Variants in INPP4B observed in about 807,000 individuals in gnomAD.
INPP4B encodes inositol polyphosphate-4-phosphatase type II B.
In INPP4B, 55 loss-of-function variants were observed where a neutral mutation model predicts 122.5. The ratio of observed to expected loss-of-function variants is 0.45; its 90% confidence interval spans 0.36 to 0.56. INPP4B has a LOEUF of 0.56. INPP4B is among the 20% of genes least tolerant of loss of function. INPP4B has a pLI of 0.00. For missense variants in INPP4B, 1,000 were observed against 1,097.7 expected, an observed-to-expected ratio of 0.91 and a Z score of 1.26; for synonymous variants, 403 against 388.7, an observed-to-expected ratio of 1.04 and a Z score of -0.43.
chr4:142,436,559 C>T (rs1018122339), intron 3 of INPP4B, among the ~76,000 whole-genome samples: 2 of 152,114 alleles, frequency 1.3e-5, no homozygotes, highest in Non-Finnish European at 2.9e-5. Flanking sequence ...AGCAGGCACC[C>T]ATCTTTTCTG....
At position 142,023,401 on chromosome 4, in the gene INPP4B, GTTAGA is replaced by G. The variant is rs1026085366; in HGVS notation, c.*5376_*5380del. The G allele has an allele frequency of 2.0e-5, 3 of 152,044 alleles. No individual in the cohort carries two copies. The highest frequency in any genetic ancestry group is 4.4e-5 in the Non-Finnish European group (3 of 67,996). 9.4% of individuals were successfully genotyped at this position (152,044 alleles called of 1,614,324 possible). A position where few individuals can be genotyped will look rare whatever the true frequency, so the allele number is the denominator to read the frequency against. On this transcript the variant is annotated 3_prime_UTR_variant, in exon 26 of 26. Transcript: ENST00000262992. ...TACCACAAAAACCTAAAAGTTAAAT[GTTAGA>G]TTAAATAAAATTATAAAATATCCAC...
chr4:142,374,621 ATCT>A (rs1791157973), intron 7 of INPP4B, among the ~76,000 whole-genome samples: 1 of 151,926 alleles, frequency 6.6e-6, no homozygotes, highest in Non-Finnish European at 1.5e-5. Context: ...CATCAAAATC[ATCT>A]TTTTATTGAT....
intron 2 of INPP4B, among the ~76,000 whole-genome samples, chr4:142,676,283 C>A (rs536599350): frequency 2.0e-5 from 3 of 152,178 alleles, no homozygotes; most frequent in African/African-American, 7.2e-5. Flanking sequence ...ATACAACTTA[C>A]AAGGGATGTG....
At chr4:142,750,935 T>C (rs1769593381) in intron 1 of INPP4B, among the ~76,000 whole-genome samples, 1 of 152,012 alleles carries the variant, frequency 6.6e-6, no homozygotes, top group African/African-American at 2.4e-5. Flanking sequence ...ATGTAAAATA[T>C]CAGATGAGAA....
At chr4:142,351,623 C>T (rs1424993688) in intron 7 of INPP4B, among the ~76,000 whole-genome samples, 1 of 151,940 alleles carries the variant, frequency 6.6e-6, no homozygotes, top group Non-Finnish European at 1.5e-5. Flanking sequence ...AAACTACTTC[C>T]TTTTGGACAC....
rs541933651 is a variant in INPP4B at position 142,535,194 on chromosome 4, C to T, written c.-190-72468G>A. 5.9e-5 allele frequency among the ~76,000 whole-genome samples: 9 copies of T among 151,990 alleles called. No individual in the cohort carries two copies. The South Asian group carries it at 1.7e-3, about 28-fold the overall frequency. ...ACAAAAGTCCCTGAGCATCTAGAGACACATCTTTTGTCTGATGTTGTCCCT... is the reference window on the plus strand; with the variant it reads ...ACAAAAGTCCCTGAGCATCTAGAGATACATCTTTTGTCTGATGTTGTCCCT... On this transcript the variant is annotated intron_variant, in intron 2 of 25. Transcript: ENST00000262992.
intron 2 of INPP4B, among the ~76,000 whole-genome samples, chr4:142,644,428 A>G (rs116389930): frequency 0.011 from 1,748 of 152,122 alleles, 31 homozygotes; most frequent in African/African-American, 0.032. Flanking sequence ...GAGATATGAA[A>G]TTATATCAGG....
intron 5 of INPP4B, among the ~76,000 whole-genome samples, chr4:142,419,751 C>T (rs1400881985): frequency 1.3e-5 from 2 of 152,080 alleles, no homozygotes; most frequent in African/African-American, 4.8e-5. Flanking sequence ...CTCTTCATGT[C>T]CCCATGGCGT....
At chr4:142,344,215 T>C (rs559152386) in intron 7 of INPP4B, among the ~76,000 whole-genome samples, 26 of 152,108 alleles carry the variant, frequency 1.7e-4, no homozygotes, top group Admixed American at 3.9e-4. Flanking sequence ...TCTTTGCACA[T>C]GGAAGAGAGC....
intron 7 of INPP4B, among the ~76,000 whole-genome samples, chr4:142,326,485 A>G (rs1157500240): frequency 6.6e-6 from 1 of 152,210 alleles, no homozygotes; most frequent in Non-Finnish European, 1.5e-5. Flanking sequence ...TTATTAACAT[A>G]TGAAACACAC....
At chr4:142,836,604 T>A in intron 1 of INPP4B, among the ~76,000 whole-genome samples, 1 of 151,554 alleles carries the variant, frequency 6.6e-6, no homozygotes, top group African/African-American at 2.4e-5. Flanking sequence ...ACAAAAAAAG[T>A]GTTGGATAGA....
At chr4:142,663,154 G>T (rs575578384) in intron 2 of INPP4B, among the ~76,000 whole-genome samples, 1 of 152,136 alleles carries the variant, frequency 6.6e-6, no homozygotes, top group East Asian at 1.9e-4. Flanking sequence ...AGTACAATGG[G>T]TGTTTTTCTA....
At chr4:142,759,955 AG>A (rs963532372) in intron 1 of INPP4B, among the ~76,000 whole-genome samples, 2 of 151,952 alleles carry the variant, frequency 1.3e-5, no homozygotes, top group African/African-American at 4.8e-5. Context: ...GCAGGAGAAA[AG>A]GGGGGCTTTT....
intron 2 of INPP4B, among the ~76,000 whole-genome samples, chr4:142,675,265 C>T (rs538473168): frequency 2.0e-5 from 3 of 152,230 alleles, no homozygotes; most frequent in South Asian, 4.2e-4. Context: ...TGGATAAATT[C>T]CTGGACACAG....
intron 10 of INPP4B, among the ~76,000 whole-genome samples, chr4:142,263,680 A>ATATAT (rs61694410): frequency 4.3e-3 from 348 of 81,698 alleles, no homozygotes; most frequent in Middle Eastern, 8.9e-3. Context: ...ATATATATAT[A>ATATAT]ACATTGAACA....
intron 2 of INPP4B, among the ~76,000 whole-genome samples, chr4:142,494,406 A>T (rs1001867277): frequency 2.0e-5 from 3 of 152,162 alleles, no homozygotes; most frequent in Non-Finnish European, 4.4e-5. Flanking sequence ...ACAGGCTTTT[A>T]AATTTACCAA....
chr4:142,265,728 T>G (rs1386703325), intron 10 of INPP4B, among the ~76,000 whole-genome samples: 1 of 152,180 alleles, frequency 6.6e-6, no homozygotes, highest in Admixed American at 6.5e-5. Flanking sequence ...TTTGATGTGT[T>G]TACCATTTTA....
chr4:142,248,993 T>G (rs1357048910), intron 11 of INPP4B, among the ~76,000 whole-genome samples: 2 of 151,854 alleles, frequency 1.3e-5, no homozygotes, highest in African/African-American at 4.8e-5. Context: ...TAGCTTACAA[T>G]CTAGTATCTT....
At chr4:142,817,423 T>C (rs565108695) in intron 1 of INPP4B, among the ~76,000 whole-genome samples, 1 of 152,184 alleles carries the variant, frequency 6.6e-6, no homozygotes. Context: ...TCCTCGATTA[T>C]CCAAGCTTTA....
Sources: gnomAD v4.1 joint callset for allele counts (sites outside exome capture counted in the v4.1 genomes callset) on GRCh38, gnomAD v4.1.1 for gene constraint, MANE v1.5 for transcripts, NCBI Gene and HGNC (gene_info 2026-07-23, HGNC 2026-07-21) for gene names.